The following STRC variants were observed in gnomAD, a reference collection of about 807,000 sequenced individuals.
STRC encodes the protein stereocilin.
A neutral mutation model predicts 103.5 loss-of-function variants in STRC; 43 were observed. That is an observed-to-expected ratio of 0.42 (90% CI 0.33 to 0.54). The LOEUF is 0.54. Among genes scored for constraint, STRC ranks in the 20% least tolerant of loss-of-function variants. The pLI is 0.14. For missense variants in STRC, 499 were observed against 1,088.5 expected, an observed-to-expected ratio of 0.46 and a Z score of 7.62; for synonymous variants, 186 against 442.3, an observed-to-expected ratio of 0.42 and a Z score of 7.27.
At chr15:43,606,323 C>G (rs1344238507) in intron 18 of STRC, among the ~76,000 whole-genome samples, 1 of 92,932 alleles carries the variant, frequency 1.1e-5, no homozygotes, top group Non-Finnish European at 2.2e-5. Context: ...AAAAACAGGC[C>G]GGACGCAGTG....
chr15:43,606,766 G>A (rs1363130834), intron 18 of STRC, among the ~76,000 whole-genome samples: 1 of 121,818 alleles, frequency 8.2e-6, no homozygotes, highest in Non-Finnish European at 1.7e-5. Context: ...TTGGGAAGCC[G>A]AGGTGGGCAG....
Position 43,599,761 on chromosome 15 carries a change from C to T in STRC, c.5240-1G>A. ...TGGAGGCCCCAGGCTGTACTTCGAC[C>T]TATAATAGACAGGGAATGGGAGTAA... is the stretch of plus-strand genomic sequence containing the variant. On this transcript the variant is annotated splice_acceptor_variant, in intron 28 of 28. Coordinates refer to ENST00000450892, the MANE Select transcript of STRC (RefSeq NM_153700.2). LOFTEE classifies it high-confidence loss of function. 1 of 490,084 alleles carries T rather than the reference C, an allele frequency of 2.0e-6. No individual in the cohort carries two copies. Among genetic ancestry groups the T allele is most frequent in the Non-Finnish European group, 3.5e-6 (1 of 287,436 alleles). 30.4% of individuals were successfully genotyped at this position (490,084 alleles called of 1,614,324 possible).
At chr15:43,604,176 G>T in intron 21 of STRC, 24 bp from the exon 22 acceptor site, 1 of 1,608,484 alleles carries the variant, frequency 6.2e-7, no homozygotes, top group Non-Finnish European at 8.5e-7. Flanking sequence ...TAGAAGGAGA[G>T]TGGGGAGATC....
In STRC at chr15:43,613,060, CT is replaced by C; in HGVS notation, c.2651del (p.Gln884ArgfsTer32). On this transcript the variant is annotated frameshift_variant, in exon 8 of 29. Coordinates refer to ENST00000450892, the MANE Select transcript of STRC (RefSeq NM_153700.2). LOFTEE classifies it high-confidence loss of function. The part of the protein sequence containing the change: ...LPHLPLENFL[Q>X]LSPHQIQALE... ...ATTCTCATACCTGGTGAGGGCTGAGCTGCAAAAAGTTCTCCAGAGGGAGGTG... is the reference window on the plus strand; with the variant it reads ...ATTCTCATACCTGGTGAGGGCTGAGCGCAAAAAGTTCTCCAGAGGGAGGTG... 4.2e-6 allele frequency: 1 copy of C among 236,668 alleles called. No homozygotes were observed. Among genetic ancestry groups the C allele is most frequent in the South Asian group, 2.9e-5 (1 of 34,296 alleles). The allele number at this position is 236,668 out of a possible 1,614,324, so 14.7% of individuals were successfully genotyped here.
intron 23 of STRC, 60 bp downstream of exon 23, chr15:43,603,182 C>A: frequency 6.4e-7 from 1 of 1,566,894 alleles, no homozygotes; most frequent in Non-Finnish European, 8.8e-7. Flanking sequence ...CTCTTTGTGT[C>A]CTACATCACA....
chr15:43,608,848 AAACT>A (rs1428720652), intron 16 of STRC, among the ~76,000 whole-genome samples: 1 of 151,006 alleles, frequency 6.6e-6, no homozygotes, highest in East Asian at 2.0e-4. Context: ...ATCCTGAAGT[AAACT>A]AACAGTAGCA....
In STRC at chr15:43,604,125, G is replaced by A. The variant is rs1311812562; in HGVS notation, c.4246C>T (p.Arg1416Trp). 1.1e-5 allele frequency: 17 copies of A among 1,611,142 alleles called. No homozygotes were observed. Among genetic ancestry groups the A allele is most frequent in the Admixed American group, 8.4e-5 (5 of 59,804 alleles). The change falls in exon 22 of 29, where the codon CGG (arginine) becomes TGG (tryptophan). Residue 1416 changes from arginine to tryptophan, a missense_variant. By Grantham distance (101) the Arg-to-Trp change is moderately radical. Coordinates refer to ENST00000450892, the MANE Select transcript of STRC (RefSeq NM_153700.2). ...CAGCTCTGCTGCTTTTCTAGAAGCC[G>A]CTCCAGGGTCTCTGGACCCAAGGCC... ...REALGPETLERLLEKQQSWEQ... is the reference protein window; with the variant it reads ...REALGPETLEWLLEKQQSWEQ...
At chr15:43,602,951 T>C (rs1229250160) in intron 23 of STRC, among the ~76,000 whole-genome samples, 1 of 151,800 alleles carries the variant, frequency 6.6e-6, no homozygotes. Context: ...AGCCGAAGCA[T>C]GCCATTATTT....
chr15:43,609,383 A>G, intron 15 of STRC, 49 bp from the exon 16 acceptor site: 1 of 1,564,804 alleles, frequency 6.4e-7, no homozygotes. Flanking sequence ...ACACTGTCCA[A>G]GGATACCCCC....
At chr15:43,605,152 T>C (rs1175566421) in intron 19 of STRC, 112 bp downstream of exon 19, 9 of 1,549,612 alleles carry the variant, frequency 5.8e-6, no homozygotes, top group South Asian at 3.6e-5. Flanking sequence ...AGGAATCTGT[T>C]TGGCAGCAAG....
Position 43,604,038 on chromosome 15 carries a change from G to C in STRC, c.4333C>G (p.Leu1445Val), listed in dbSNP as rs768273616. 4.3e-6 allele frequency: 7 copies of C among 1,613,146 alleles called. No homozygotes were observed. The highest frequency in any genetic ancestry group is 8.5e-7 in the Non-Finnish European group (1 of 1,179,642). The change falls in exon 22 of 29, where the codon CTG becomes GTG. Residue 1445 changes from leucine to valine, a missense_variant. Physicochemically the swap from Leu to Val is conservative, Grantham distance 32. Coordinates refer to ENST00000450892, the MANE Select transcript of STRC (RefSeq NM_153700.2). ...GCTGGTCGCACCACCCCTGCTACCA[G>C]GGCTGCTTTCTTGGCAGCAAGCTGT... is the stretch of plus-strand genomic sequence containing the variant. ...EPQLAAKKAA[L>V]VAGVVRPAAE...
intron 23 of STRC, among the ~76,000 whole-genome samples, chr15:43,602,981 A>C (rs2085683203): frequency 6.6e-6 from 1 of 151,910 alleles, no homozygotes; most frequent in Non-Finnish European, 1.5e-5. Flanking sequence ...AGAAAAAAAA[A>C]TAAAGAAAAA....
At chr15:43,605,497 C>T in intron 18 of STRC, 98 bp from the exon 19 acceptor site, 1 of 1,541,574 alleles carries the variant, frequency 6.5e-7, no homozygotes, top group Admixed American at 2.0e-5. Context: ...GATGTGACCC[C>T]AGACCAAATT....
chr15:43,600,405 T>C (rs2085655537), intron 26 of STRC, 112 bp from the exon 27 acceptor site: 1 of 1,407,052 alleles, frequency 7.1e-7, no homozygotes, highest in African/African-American at 1.4e-5. Context: ...CCTTCCCCAA[T>C]ATGTCTCTAG....
intron 23 of STRC, 108 bp from the exon 24 acceptor site, chr15:43,601,659 C>T (rs1423517957): frequency 2.5e-6 from 3 of 1,203,048 alleles, no homozygotes; most frequent in African/African-American, 3.0e-5. Flanking sequence ...CTAGGTAAAT[C>T]ATTTGCCTTT....
At position 43,609,341 on chromosome 15, in the gene STRC, G is replaced by C. The variant is rs758854394; in HGVS notation, c.3499-7C>G. The C allele has an allele frequency of 1.2e-6, 2 of 1,607,338 alleles. No individual in the cohort carries two copies. Among genetic ancestry groups the C allele is most frequent in the Non-Finnish European group, 1.7e-6 (2 of 1,178,138 alleles). On this transcript the variant is annotated splice_polypyrimidine_tract_variant and splice_region_variant and intron_variant, in intron 15 of 28. Coordinates refer to ENST00000450892, the MANE Select transcript of STRC (RefSeq NM_153700.2). ...TCTTCCAGAGAAACTGTGCCTACAA[G>C]AGAAAGAAAGACGAGCCCCTTCCCA... is the stretch of plus-strand genomic sequence containing the variant.
rs1340442643 is a variant in STRC at position 43,601,507 on chromosome 15, C to G, written c.4590G>C (p.Gln1530His). 6.2e-7 allele frequency: 1 copy of G among 1,613,742 alleles called. No homozygotes were observed. Among genetic ancestry groups the G allele is most frequent in the South Asian group, 1.1e-5 (1 of 91,070 alleles). ...PRGFRPEQIL[Q>H]LGRLLIGLGD... ...CTAGACCTATTAAGAGCCTACCAAG[C>G]TGCAGGATCTGCTCAGGACGAAATC... The change falls in exon 24 of 29, where the codon CAG (glutamine) becomes CAC (histidine). Residue 1530 changes from glutamine to histidine, a missense_variant. Coordinates refer to ENST00000450892, the MANE Select transcript of STRC (RefSeq NM_153700.2).
At chr15:43,605,469 C>T in intron 18 of STRC, 70 bp from the exon 19 acceptor site, 1 of 1,553,972 alleles carries the variant, frequency 6.4e-7, no homozygotes, top group Middle Eastern at 1.7e-4. Context: ...ACCACAAAAC[C>T]CCACAGTCCG....
Position 43,600,770 on chromosome 15 carries a change from T to C in STRC, c.4845-88A>G, listed in dbSNP as rs1041170555. 9.9e-6 allele frequency: 16 copies of C among 1,612,488 alleles called. No individual in the cohort carries two copies. The African/African-American group carries it at 2.0e-4, about 20-fold the overall frequency. ...AGACAAAGGAAGAGATGGCTTCAAA[T>C]GAGTTCCCTTCCTCCATGGGACCAG... is the stretch of plus-strand genomic sequence containing the variant. On this transcript the variant is annotated intron_variant, in intron 25 of 28. Transcript: ENST00000450892.
Sources: allele counts gnomAD v4.1 joint callset (sites outside exome capture counted in the v4.1 genomes callset), GRCh38; gene constraint gnomAD v4.1.1; transcripts MANE v1.5; gene names NCBI Gene and HGNC (gene_info 2026-07-23, HGNC 2026-07-21).